UTP18: variants seen among roughly 807,000 people sequenced by gnomAD.
UTP18 encodes the protein U3 small nucleolar RNA-associated protein 18 homolog.
Under a neutral mutation model 61.1 loss-of-function variants are expected in UTP18, and 36 were observed. The observed-to-expected ratio is 0.59, with a 90% CI of 0.45 to 0.78. The LOEUF (loss-of-function observed/expected upper bound fraction) is 0.78, where lower values mean the gene tolerates loss of function less well. Among genes scored for constraint, UTP18 ranks in the 30% least tolerant of loss-of-function variants. The pLI is 0.00. For missense variants in UTP18, 753 were observed against 693.9 expected, an observed-to-expected ratio of 1.09 and a Z score of -0.96; for synonymous variants, 282 against 251.1, an observed-to-expected ratio of 1.12 and a Z score of -1.16.
At chr17:51,266,129 A>G in intron 2 of UTP18, 53 bp from the exon 3 acceptor site, 2 of 1,372,074 alleles carry the variant, frequency 1.5e-6, no homozygotes, top group Non-Finnish European at 1.9e-6. Context: ...AGCAGCAGCT[A>G]TTTATATTAA....
chr17:51,286,977 T>TC (rs1905134895), intron 10 of UTP18, among the ~76,000 whole-genome samples: 8 of 80,132 alleles, frequency 1.0e-4, no homozygotes, highest in Admixed American at 2.3e-4. Context: ...TCCCTCCCCC[T>TC]TCCCCCCCCG....
Position 51,287,084 on chromosome 17 carries a change from G to A in UTP18, c.1329-945G>A, listed in dbSNP as rs1249495355. Among the ~76,000 whole-genome samples the A allele has an allele frequency of 3.3e-5, 5 of 150,328 alleles. No individual in the cohort carries two copies. In the East Asian group the frequency reaches 1.0e-3, roughly 30 times the overall value. Reference sequence around the variant, plus strand: ...CTCTATATGGGGCAAGAAAAACTGCGCAGAAATGATCTTCACTCAGATTTG... The same window carrying A: ...CTCTATATGGGGCAAGAAAAACTGCACAGAAATGATCTTCACTCAGATTTG... On this transcript the variant is annotated intron_variant, in intron 10 of 13. Transcript: ENST00000225298.
intron 12 of UTP18, 99 bp downstream of exon 12, chr17:51,294,144 C>G (rs917654): frequency 0.58 from 588,597 of 1,009,544 alleles, 173,937 homozygotes; most frequent in African/African-American, 0.78. Flanking sequence ...TTAATAAATT[C>G]TAGTCTGTTT....
intron 7 of UTP18, among the ~76,000 whole-genome samples, chr17:51,279,601 G>C (rs1000022706): frequency 1.3e-5 from 2 of 151,890 alleles, no homozygotes; most frequent in African/African-American, 2.4e-5. Context: ...ATGTTTTTAT[G>C]TTTTTGGCTG....
intron 2 of UTP18, among the ~76,000 whole-genome samples, chr17:51,263,677 G>A (rs1598472960): frequency 6.6e-6 from 1 of 152,230 alleles, no homozygotes; most frequent in South Asian, 2.1e-4. Context: ...GTTTCTAATT[G>A]ACCATGGGCA....
At chr17:51,296,837 C>G in intron 12 of UTP18, 128 bp from the exon 13 acceptor site, 2 of 829,924 alleles carry the variant, frequency 2.4e-6, no homozygotes, top group Non-Finnish European at 3.8e-6. Flanking sequence ...ACCTAACTGC[C>G]TGGTGTGAAT....
Position 51,260,668 on chromosome 17 carries a change from C to T in UTP18, c.84C>T (p.Asp28=). The stretch of plus-strand genomic sequence containing the variant: ...AGCGGAAGCCCGGAATGAGGCCGGA[C>T]TGGAAAGCCGGAGCGGGGCCAGGCG... ...KPKRKPGMRP[D]WKAGAGPGGP... Residue 28 remains aspartate, a synonymous_variant, in exon 1 of 14, where the codon GAC becomes GAT. Coordinates refer to ENST00000225298, the MANE Select transcript of UTP18 (RefSeq NM_016001.3). 6.2e-7 allele frequency: 1 copy of T among 1,611,868 alleles called. No individual in the cohort carries two copies. Among genetic ancestry groups the T allele is most frequent in the Non-Finnish European group, 8.5e-7 (1 of 1,179,512 alleles).
At chr17:51,266,448 C>A (rs1192237455) in intron 3 of UTP18, among the ~76,000 whole-genome samples, 168 bp downstream of exon 3, 1 of 152,004 alleles carries the variant, frequency 6.6e-6, no homozygotes, top group Non-Finnish European at 1.5e-5. Context: ...GGGGACAAAA[C>A]ACAGACACAA....
At chr17:51,294,157 C>G in intron 12 of UTP18, 112 bp downstream of exon 12, 2 of 831,324 alleles carry the variant, frequency 2.4e-6, no homozygotes, top group Middle Eastern at 4.1e-4. Flanking sequence ...GTCTGTTTAT[C>G]TTGACTCTCA....
At chr17:51,296,936 T>G (rs772185300) in intron 12 of UTP18, 29 bp from the exon 13 acceptor site, 1 of 1,601,890 alleles carries the variant, frequency 6.2e-7, no homozygotes, top group South Asian at 1.1e-5. Flanking sequence ...TACAAAGTTG[T>G]TCAGATGACT....
At chr17:51,282,967 C>G (rs1904993693) in intron 9 of UTP18, among the ~76,000 whole-genome samples, 1 of 146,248 alleles carries the variant, frequency 6.8e-6, no homozygotes. Context: ...CTCCCAAGTT[C>G]TAGCAATTCT....
chr17:51,261,370 C>A (rs1041024054), intron 1 of UTP18, among the ~76,000 whole-genome samples: 2 of 152,144 alleles, frequency 1.3e-5, no homozygotes, highest in Non-Finnish European at 2.9e-5. Flanking sequence ...ACTATGAGAC[C>A]CACCATGTTT....
intron 4 of UTP18, among the ~76,000 whole-genome samples, chr17:51,271,028 A>G (rs1904513646): frequency 6.6e-6 from 1 of 152,190 alleles, no homozygotes; most frequent in Non-Finnish European, 1.5e-5. Flanking sequence ...GAGTTTCGTT[A>G]TAAGAAAATT....
intron 11 of UTP18, among the ~76,000 whole-genome samples, chr17:51,288,745 C>CA (rs1175993540): frequency 6.6e-6 from 1 of 152,188 alleles, no homozygotes; most frequent in African/African-American, 2.4e-5. Context: ...TGCATATGTT[C>CA]ATTGAACTCA....
chr17:51,263,932 T>G (rs760659164), intron 2 of UTP18, among the ~76,000 whole-genome samples: 5 of 151,778 alleles, frequency 3.3e-5, no homozygotes, highest in Non-Finnish European at 5.9e-5. Flanking sequence ...TCTCCCTACT[T>G]AAAAAAAATA....
rs1491519081 is a variant in UTP18 at position 51,273,596 on chromosome 17, TTG to T, written c.711+148_711+149del. The stretch of plus-strand genomic sequence containing the variant: ...TTTGCCCTGGTAAATACTTATGTTA[TTG>T]TTTTTTTTTTTTCCTTTTGCAAAAA... On this transcript the variant is annotated intron_variant, in intron 5 of 13. Coordinates refer to ENST00000225298, the MANE Select transcript of UTP18 (RefSeq NM_016001.3). The T allele has an allele frequency of 1.1e-4, 58 of 509,614 alleles. No homozygotes were observed. The South Asian group carries it at 1.8e-3, about 16-fold the overall frequency. The allele number at this position is 509,614 out of a possible 1,614,324, so 31.6% of individuals were successfully genotyped here.
chr17:51,266,314 G>A lies in UTP18; in HGVS notation c.554+34G>A. ...CTTTTTTCATATGATTTACCAAGAG[G>A]TGTATGTAACCAATGCCCAGTCATT... On this transcript the variant is annotated intron_variant, in intron 3 of 13. Coordinates refer to ENST00000225298, the MANE Select transcript of UTP18 (RefSeq NM_016001.3). The A allele has an allele frequency of 4.0e-6, 6 of 1,502,802 alleles. No individual in the cohort carries two copies. The Middle Eastern group carries it at 5.3e-4, about 132-fold the overall frequency. 93.1% of individuals were successfully genotyped at this position (1,502,802 alleles called of 1,614,324 possible).
chr17:51,270,155 CTG>C (rs1270283696), intron 4 of UTP18, among the ~76,000 whole-genome samples: 1 of 152,118 alleles, frequency 6.6e-6, no homozygotes, highest in Non-Finnish European at 1.5e-5. Context: ...TTTTACTAAA[CTG>C]TTTTTTCCCC....
intron 11 of UTP18, 74 bp downstream of exon 11, chr17:51,288,277 A>G: frequency 7.3e-7 from 1 of 1,366,742 alleles, no homozygotes; most frequent in Non-Finnish European, 9.8e-7. Context: ...GTAACAGGAA[A>G]GGAGAGCGTT....
Sources: gnomAD v4.1 joint callset for allele counts (sites outside exome capture counted in the v4.1 genomes callset) on GRCh38, gnomAD v4.1.1 for gene constraint, MANE v1.5 for transcripts, NCBI Gene and HGNC (gene_info 2026-07-23, HGNC 2026-07-21) for gene names.